Variants in SP1 observed in about 807,000 individuals in gnomAD.
The protein encoded by SP1 is Sp1 transcription factor, also known as transcription factor Sp1.
A neutral mutation model predicts 66.3 loss-of-function variants in SP1; 6 were observed. The ratio of observed to expected loss-of-function variants is 0.09; its 90% CI spans 0.05 to 0.18. The LOEUF is 0.18. Ranked by LOEUF, SP1 falls within the 10% of genes least tolerant of loss-of-function variation. SP1 has a pLI of 1.00. For synonymous variants in SP1, 417 were observed against 360.8 expected, an observed-to-expected ratio of 1.16 and a Z score of -1.77; for missense variants, 848 against 964.5, an observed-to-expected ratio of 0.88 and a Z score of 1.60.
rs1565821948 is a variant in SP1, at chr12:53,415,640, A to AG, written c.*4400_*4401insG. The AG allele has an allele frequency of 7.9e-6, 1 of 127,184 alleles. No individual in the cohort carries two copies. Among genetic ancestry groups the AG allele is most frequent in the East Asian group, 2.2e-4 (1 of 4,608 alleles). 7.9% of individuals were successfully genotyped at this position (127,184 alleles called of 1,614,324 possible). ...CTAAGTCCTAGCTAAGTATCAGGGG[A>AG]AAAAAAAAAAAAAAAAGCCTAACAA... On this transcript the variant is annotated 3_prime_UTR_variant, in exon 6 of 6. Transcript: ENST00000327443.
intron 3 of SP1, among the ~76,000 whole-genome samples, chr12:53,392,503 C>T (rs867952320): frequency 1.1e-3 from 169 of 150,732 alleles, no homozygotes; most frequent in African/African-American, 3.6e-3. Context: ...ACTACAGGCG[C>T]CCGCCACTAC....
Position 53,409,373 on chromosome 12 carries a change from A to G in SP1, c.1856A>G (p.Asp619Gly). Residue 619 changes from aspartate to glycine, a missense_variant, in exon 5 of 6, where the codon GAT (aspartate) becomes GGT (glycine). This residue lies in a region of SP1 where 18 missense variants were observed against 19.0 expected (regional missense o/e 0.95). Coordinates refer to ENST00000327443, the MANE Select transcript of SP1 (RefSeq NM_138473.3). ...GTCCTCACTTTCAGGGGCTCGGGGG[A>G]TCCTGGCAAAAAGAAACAGCATATT... ...CKDSEGRGSG[D>G]PGKKKQHICH... 1 of 1,613,538 alleles carries G rather than the reference A, an allele frequency of 6.2e-7. No individual in the cohort carries two copies. The highest frequency in any genetic ancestry group is 8.5e-7 in the Non-Finnish European group (1 of 1,179,868).
intron 3 of SP1, among the ~76,000 whole-genome samples, chr12:53,402,844 T>C (rs1938638498): frequency 6.6e-6 from 1 of 151,876 alleles, no homozygotes; most frequent in South Asian, 2.1e-4. Flanking sequence ...TGCATGCCTG[T>C]AGCCTGTAGT....
chr12:53,409,222 CAA>C, intron 4 of SP1, 138 bp from the exon 5 acceptor site: 1 of 696,636 alleles, frequency 1.4e-6, no homozygotes, highest in Non-Finnish European at 2.4e-6. Context: ...GAGACTCTCT[CAA>C]AAAAACAAAA....
At position 53,383,403 on chromosome 12, in the gene SP1, C is replaced by T; in HGVS notation, c.1456C>T (p.Pro486Ser). ...NPQAQTITLA[P>S]MQGVSLGQTS... ...ACAAGCCCAAACAATCACCTTAGCC[C>T]CAATGCAGGGTGTTTCCTTGGGGCA... Residue 486 changes from proline (P) to serine (S), a missense_variant, in exon 3 of 6, where the codon CCA (proline) becomes TCA (serine). Pro to Ser is a moderately conservative substitution (Grantham distance 74, BLOSUM62 -1). Around this residue, in one of 7 missense-constraint regions of SP1, gnomAD observed 606 missense variants for 589.9 expected, o/e 1.03. Transcript: ENST00000327443. 1 of 1,614,226 alleles carries T rather than the reference C, an allele frequency of 6.2e-7. No homozygotes were observed. The highest frequency in any genetic ancestry group is 8.5e-7 in the Non-Finnish European group (1 of 1,180,040).
At chr12:53,400,205 G>A (rs1300489968) in intron 3 of SP1, among the ~76,000 whole-genome samples, 4 of 152,172 alleles carry the variant, frequency 2.6e-5, no homozygotes, top group Non-Finnish European at 5.9e-5. Context: ...AGCAATGTAT[G>A]TACTTTTCAC....
At chr12:53,390,654 G>A (rs1938327760) in intron 3 of SP1, among the ~76,000 whole-genome samples, 1 of 151,902 alleles carries the variant, frequency 6.6e-6, no homozygotes, top group South Asian at 2.1e-4. Flanking sequence ...CTGCACTCCA[G>A]CCTGGGCAAC....
chr12:53,396,508 C>T (rs753140136), intron 3 of SP1, among the ~76,000 whole-genome samples: 11 of 152,016 alleles, frequency 7.2e-5, no homozygotes, highest in Non-Finnish European at 1.5e-4. Context: ...GCGGAGCTGG[C>T]GGTTAGCCGA....
intron 3 of SP1, among the ~76,000 whole-genome samples, chr12:53,385,420 C>T (rs1419659320): frequency 1.3e-5 from 2 of 150,506 alleles, no homozygotes; most frequent in African/African-American, 4.9e-5. Flanking sequence ...ACTGTGAAAC[C>T]CTGTCTCTAC....
intron 5 of SP1, 138 bp from the exon 6 acceptor site, chr12:53,410,789 A>G (rs1452735398): frequency 1.3e-5 from 9 of 700,058 alleles, no homozygotes; most frequent in East Asian, 5.0e-5. Context: ...CACCACGCCC[A>G]GCCACTTGAA....
chr12:53,380,475 C>T (rs1169032074), intron 1 of SP1, among the ~76,000 whole-genome samples, 177 bp downstream of exon 1: 1 of 150,880 alleles, frequency 6.6e-6, no homozygotes, highest in South Asian at 2.1e-4. Context: ...GCGGGGCCTC[C>T]GAGGAGGAGG....
chr12:53,387,693 A>G (rs1938261799), intron 3 of SP1, among the ~76,000 whole-genome samples: 1 of 152,172 alleles, frequency 6.6e-6, no homozygotes, highest in Admixed American at 6.6e-5. Context: ...TAGATTGTTA[A>G]AAATGTATTC....
chr12:53,380,781 C>G (rs1938072941), intron 1 of SP1: 1 of 447,446 alleles, frequency 2.2e-6, no homozygotes, highest in Admixed American at 6.5e-5. Flanking sequence ...CCCCTCACCC[C>G]GAAACCGCCC....
intron 3 of SP1, among the ~76,000 whole-genome samples, chr12:53,389,216 C>CTTTTTTT (rs71443297): frequency 9.4e-6 from 1 of 106,730 alleles, no homozygotes; most frequent in African/African-American, 3.6e-5. Flanking sequence ...TTAAAATGAT[C>CTTTTTTT]TTTTTTTTTT....
In SP1 at chr12:53,411,821, T is replaced by C. The variant is rs1426939185; in HGVS notation, c.*581T>C. The C allele has an allele frequency of 6.6e-6, 1 of 152,440 alleles. No homozygotes were observed. Among genetic ancestry groups the C allele is most frequent in the Admixed American group, 6.6e-5 (1 of 15,246 alleles). The allele number at this position is 152,440 out of a possible 1,614,324, so 9.4% of individuals were successfully genotyped here. ...GACACATCAAGCTTTTCTGTAGATG[T>C]TGTCTTGGCTTCCCACCAGCTTAAG... On this transcript the variant is annotated 3_prime_UTR_variant, in exon 6 of 6. Coordinates refer to ENST00000327443, the MANE Select transcript of SP1 (RefSeq NM_138473.3).
intron 4 of SP1, among the ~76,000 whole-genome samples, chr12:53,408,245 CA>C (rs548495020): frequency 1.3e-3 from 123 of 97,676 alleles, no homozygotes; most frequent in Non-Finnish European, 1.5e-3. Context: ...GACTCTGTCT[CA>C]AAAAAAAAAA....
At chr12:53,397,152 C>T (rs746796359) in intron 3 of SP1, among the ~76,000 whole-genome samples, 3 of 151,892 alleles carry the variant, frequency 2.0e-5, no homozygotes, top group South Asian at 2.1e-4. Flanking sequence ...ACTGGGACTA[C>T]AGGCGCCTGC....
intron 3 of SP1, among the ~76,000 whole-genome samples, chr12:53,389,216 CTTTT>C (rs71443297): frequency 5.6e-5 from 6 of 106,724 alleles, no homozygotes; most frequent in Non-Finnish European, 5.7e-5. Context: ...TTAAAATGAT[CTTTT>C]TTTTTTTTTT....
At chr12:53,397,531 C>A (rs1315726852) in intron 3 of SP1, among the ~76,000 whole-genome samples, 3 of 144,274 alleles carry the variant, frequency 2.1e-5, no homozygotes, top group Non-Finnish European at 4.5e-5. Flanking sequence ...GTGGTGCAAT[C>A]TTGGCTCACT....
Sources: gnomAD v4.1 joint callset for allele counts (sites outside exome capture counted in the v4.1 genomes callset) on GRCh38, gnomAD v4.1.1 for gene constraint, gnomAD v4.1.1 regional missense constraint, MANE v1.5 for transcripts, NCBI Gene and HGNC (gene_info 2026-07-23, HGNC 2026-07-21) for gene names.